KIAA1671: variants seen among roughly 807,000 people sequenced by gnomAD.
KIAA1671 encodes the protein uncharacterized protein KIAA1671.
KIAA1671 carries 52 observed loss-of-function variants against 131.2 expected under a neutral mutation model. The ratio of observed to expected loss-of-function variants is 0.40; its 90% CI spans 0.32 to 0.50. The LOEUF (loss-of-function observed/expected upper bound fraction) is 0.50. KIAA1671 is among the 20% of genes least tolerant of loss of function. KIAA1671 has a pLI of 0.73. For missense variants in KIAA1671, 2,360 were observed against 2,364.2 expected, an observed-to-expected ratio of 1.00 and a Z score of 0.04; for synonymous variants, 1,003 against 961.6, an observed-to-expected ratio of 1.04 and a Z score of -0.80.
chr22:25,056,832 AAG>A (rs1927866298), intron 6 of KIAA1671: 1 of 151,688 alleles, frequency 6.6e-6, no homozygotes, highest in Non-Finnish European at 1.5e-5. Context: ...AAAAAAAAAA[AAG>A]GCAGTGAAGT....
intron 1 of KIAA1671, among the ~76,000 whole-genome samples, chr22:25,021,404 TA>T (rs1468436119): frequency 6.6e-6 from 1 of 151,928 alleles, no homozygotes; most frequent in Non-Finnish European, 1.5e-5. Context: ...CTTCCCTAGC[TA>T]ACCTTTCTCA....
In KIAA1671 at chr22:24,981,569, C is replaced by T. The variant is rs1006798958; in HGVS notation, c.-208+28797C>T. 8.9e-4 allele frequency among the ~76,000 whole-genome samples: 136 copies of T among 152,298 alleles called. 3 individuals carry two copies. The highest frequency in any genetic ancestry group is 7.4e-5 in the Non-Finnish European group (5 of 68,018). On this transcript the variant is annotated intron_variant, in intron 1 of 12. Transcript: ENST00000358431. ...AGATGCTGGGGCCACCATCTAGAGACTCAGGCTCAGCTGGTCTGAAGCAGG... is the reference window on the plus strand; with the variant it reads ...AGATGCTGGGGCCACCATCTAGAGATTCAGGCTCAGCTGGTCTGAAGCAGG...
intron 6 of KIAA1671, among the ~76,000 whole-genome samples, chr22:25,140,080 G>C (rs1477107627): frequency 1.3e-5 from 2 of 152,352 alleles, no homozygotes; most frequent in East Asian, 3.9e-4. Flanking sequence ...CAGTTGAGGG[G>C]TCCTCTGCAT....
At chr22:25,094,327 C>T (rs192994131) in intron 6 of KIAA1671, among the ~76,000 whole-genome samples, 6 of 152,130 alleles carry the variant, frequency 3.9e-5, no homozygotes, top group Non-Finnish European at 8.8e-5. Flanking sequence ...ACATGCAGAC[C>T]CCCAGGGTGG....
rs535452901 is a variant in KIAA1671, at chr22:25,097,632, C to T, written c.4530+48268C>T. 2.0e-5 allele frequency among the ~76,000 whole-genome samples: 3 copies of T among 151,594 alleles called. No individual in the cohort carries two copies. The South Asian group carries it at 6.2e-4, about 32-fold the overall frequency. ...GCGGGTGCCTGTAGTCCCAGCTACT[C>T]GGGAGGCTGAGGCAGGAGAATGGCG... is the stretch of plus-strand genomic sequence containing the variant. On this transcript the variant is annotated intron_variant, in intron 6 of 12. Coordinates refer to ENST00000358431, the MANE Select transcript of KIAA1671 (RefSeq NM_001145206.2).
chr22:25,068,947 G>C lies in KIAA1671; in HGVS notation c.4530+19583G>C, dbSNP rs1928657147. Among the ~76,000 whole-genome samples the C allele has an allele frequency of 2.0e-5, 3 of 152,318 alleles. No homozygotes were observed. The South Asian group carries it at 6.2e-4, about 32-fold the overall frequency. On this transcript the variant is annotated intron_variant, in intron 6 of 12. Transcript: ENST00000358431. Reference sequence around the variant, plus strand: ...CCCCCGCCTCAGTTTTCCCCTCTCAGCAGTGAGAAGGACCTTGCCTCAGAA... The same window carrying C: ...CCCCCGCCTCAGTTTTCCCCTCTCACCAGTGAGAAGGACCTTGCCTCAGAA...
chr22:24,956,680 C>A (rs1336267060), intron 1 of KIAA1671, among the ~76,000 whole-genome samples: 4 of 152,004 alleles, frequency 2.6e-5, no homozygotes, highest in Non-Finnish European at 5.9e-5. Context: ...TCCTGGCTAA[C>A]ACGGTGAAAC....
intron 10 of KIAA1671, among the ~76,000 whole-genome samples, chr22:25,182,980 C>T (rs1402070189): frequency 6.6e-6 from 1 of 152,212 alleles, no homozygotes; most frequent in Non-Finnish European, 1.5e-5. Flanking sequence ...GAGCTGCCTC[C>T]CTCCTCCCCA....
chr22:25,160,519 CTG>C (rs1271580178), intron 6 of KIAA1671, among the ~76,000 whole-genome samples: 1 of 152,206 alleles, frequency 6.6e-6, no homozygotes, highest in Admixed American at 6.5e-5. Context: ...CTGCCTGTCT[CTG>C]TCTCCCTCTC....
intron 10 of KIAA1671, among the ~76,000 whole-genome samples, chr22:25,182,970 G>A (rs1601391065): frequency 6.6e-6 from 1 of 152,324 alleles, no homozygotes; most frequent in East Asian, 1.9e-4. Context: ...GGGAAAGGCT[G>A]AGCTGCCTCC....
At position 25,170,934 on chromosome 22, in the gene KIAA1671, G is replaced by A. The variant is rs1375499243; in HGVS notation, c.4645G>A (p.Glu1549Lys). 6.4e-7 allele frequency: 1 copy of A among 1,551,648 alleles called. No individual in the cohort carries two copies. Among genetic ancestry groups the A allele is most frequent in the Admixed American group, 2.0e-5 (1 of 51,010 alleles). Residue 1549 changes from glutamate (E) to lysine (K), a missense_variant, in exon 7 of 13, where the codon GAG becomes AAG. Transcript: ENST00000358431. ...GTGGACAGAGCAGTGCCAGAGTGGG[G>A]AGAGGTAGGACGCGTGCGACGGGAT... The part of the protein sequence containing the change: ...GTWTEQCQSG[E>K]SLATESPDSS...
chr22:25,178,690 G>C (rs1180803612), intron 9 of KIAA1671, among the ~76,000 whole-genome samples: 5 of 152,150 alleles, frequency 3.3e-5, no homozygotes, highest in African/African-American at 1.2e-4. Flanking sequence ...CCCAACTGCA[G>C]GCTTCCAGGA....
intron 7 of KIAA1671, among the ~76,000 whole-genome samples, chr22:25,171,713 C>T (rs982418526): frequency 6.6e-6 from 1 of 151,502 alleles, no homozygotes; most frequent in Non-Finnish European, 1.5e-5. Flanking sequence ...AGAGAGACAC[C>T]TTGTCTAAAA....
At chr22:25,158,648 C>CA (rs1461909992) in intron 6 of KIAA1671, among the ~76,000 whole-genome samples, 2 of 152,052 alleles carry the variant, frequency 1.3e-5, no homozygotes, top group African/African-American at 2.4e-5. Context: ...CTGCAGTGGG[C>CA]GTTGGTAGAG....
At chr22:24,990,389 C>CTCACATGTTTA (rs1923773599) in intron 1 of KIAA1671, among the ~76,000 whole-genome samples, 1 of 152,204 alleles carries the variant, frequency 6.6e-6, no homozygotes, top group South Asian at 2.1e-4. Flanking sequence ...CCTTGCCTGG[C>CTCACATGTTTA]CTGTTTACTG....
intron 6 of KIAA1671, among the ~76,000 whole-genome samples, chr22:25,096,670 A>G (rs1568953170): frequency 6.6e-6 from 1 of 152,192 alleles, no homozygotes; most frequent in Non-Finnish European, 1.5e-5. Flanking sequence ...GTACAATCTG[A>G]TGAGTTTTGA....
At position 25,049,230 on chromosome 22, in the gene KIAA1671, G is replaced by A. The variant is rs1030259099; in HGVS notation, c.4396G>A (p.Val1466Met). 2.3e-5 allele frequency: 35 copies of A among 1,551,696 alleles called. No individual in the cohort carries two copies. In the African/African-American group the frequency reaches 4.4e-4, roughly 19 times the overall value. The change falls in exon 6 of 13, where the codon GTG (valine) becomes ATG (methionine). Residue 1466 changes from valine (V) to methionine (M), a missense_variant and splice_region_variant. Val to Met is a conservative substitution (Grantham distance 21, BLOSUM62 1). Coordinates refer to ENST00000358431, the MANE Select transcript of KIAA1671 (RefSeq NM_001145206.2). Reference sequence around the variant, plus strand: ...CCTTTTCTTGTGCTCTGTGTTTCAGGTGCTGCCACGGGACCTGGAGAAGGA... The same window carrying A: ...CCTTTTCTTGTGCTCTGTGTTTCAGATGCTGCCACGGGACCTGGAGAAGGA... Reference protein sequence around the residue: ...WESGTGDSHKVLPRDLEKEDA... With the variant: ...WESGTGDSHKMLPRDLEKEDA...
intron 1 of KIAA1671, among the ~76,000 whole-genome samples, chr22:24,976,551 A>ACACC: frequency 1.3e-5 from 2 of 152,178 alleles, no homozygotes; most frequent in African/African-American, 4.8e-5. Flanking sequence ...TGAGGCTCGA[A>ACACC]CACCCACTGG....
At chr22:25,180,860 A>T (rs544100782) in intron 9 of KIAA1671, among the ~76,000 whole-genome samples, 36 of 152,294 alleles carry the variant, frequency 2.4e-4, no homozygotes, top group Admixed American at 6.5e-4. Context: ...GCCAAGTTCT[A>T]TTAAGCCACC....
Sources: gnomAD v4.1 joint callset for allele counts (sites outside exome capture counted in the v4.1 genomes callset) on GRCh38, gnomAD v4.1.1 for gene constraint, MANE v1.5 for transcripts, NCBI Gene and HGNC (gene_info 2026-07-23, HGNC 2026-07-21) for gene names.